LRRC40: variants seen among roughly 807,000 people sequenced by gnomAD.
LRRC40 encodes leucine rich repeat containing 40.
Under a neutral mutation model 72.8 loss-of-function variants are expected in LRRC40, and 76 were observed. The ratio of observed to expected loss-of-function variants is 1.04; its 90% confidence interval spans 0.87 to 1.26. The LOEUF (loss-of-function observed/expected upper bound fraction) is 1.26. Ranked by LOEUF, LRRC40 falls within the 50% of genes most tolerant of loss-of-function variation. The probability of loss-of-function intolerance (pLI) is 0.00; values close to 1 mark genes in which losing one functional copy is unlikely to be tolerated. For synonymous variants in LRRC40, 243 were observed against 254.2 expected, an observed-to-expected ratio of 0.96 and a Z score of 0.42; for missense variants, 684 against 698.9, an observed-to-expected ratio of 0.98 and a Z score of 0.24.
intron 7 of LRRC40, 40 bp downstream of exon 7, chr1:70,175,770 A>G (rs1366927281): frequency 6.5e-6 from 9 of 1,380,642 alleles, no homozygotes; most frequent in Non-Finnish European, 8.8e-6. Context: ...TTATAACCAA[A>G]TACAAACACA....
At chr1:70,190,224 T>A (rs962871272) in intron 1 of LRRC40, among the ~76,000 whole-genome samples, 1 of 152,218 alleles carries the variant, frequency 6.6e-6, no homozygotes, top group African/African-American at 2.4e-5. Flanking sequence ...TATACCTTGC[T>A]GCCACAGATT....
At chr1:70,179,581 G>A (rs1171871743) in intron 5 of LRRC40, among the ~76,000 whole-genome samples, 3 of 152,020 alleles carry the variant, frequency 2.0e-5, no homozygotes, top group African/African-American at 7.2e-5. Flanking sequence ...CATTGTCATG[G>A]CTGAGAAACA....
intron 10 of LRRC40, among the ~76,000 whole-genome samples, chr1:70,157,597 C>T (rs906331086): frequency 6.6e-6 from 1 of 152,008 alleles, no homozygotes; most frequent in African/African-American, 2.4e-5. Flanking sequence ...CCTAGATCCC[C>T]TTAGAATAGA....
At chr1:70,205,328 G>A (rs1403306686) in intron 1 of LRRC40, 62 bp downstream of exon 1, 2 of 1,446,770 alleles carry the variant, frequency 1.4e-6, no homozygotes, top group East Asian at 2.3e-5. Flanking sequence ...AGAAAAGGGA[G>A]GTTGCCTGGG....
chr1:70,148,874 G>A (rs1667388832), intron 13 of LRRC40, among the ~76,000 whole-genome samples: 1 of 152,130 alleles, frequency 6.6e-6, no homozygotes, highest in Non-Finnish European at 1.5e-5. Flanking sequence ...ATGTTAAACA[G>A]ACAGACTTGT....
chr1:70,161,765 T>C (rs1558114065), intron 9 of LRRC40, among the ~76,000 whole-genome samples: 1 of 152,054 alleles, frequency 6.6e-6, no homozygotes, highest in Non-Finnish European at 1.5e-5. Context: ...CTCTTAGAAA[T>C]AAGAGTAAAA....
At chr1:70,200,922 A>C (rs1158763210) in intron 1 of LRRC40, among the ~76,000 whole-genome samples, 1 of 152,224 alleles carries the variant, frequency 6.6e-6, no homozygotes, top group Non-Finnish European at 1.5e-5. Context: ...CTGTAATCCA[A>C]GCACTTTGGG....
intron 3 of LRRC40, 31 bp from the exon 4 acceptor site, chr1:70,184,945 T>C: frequency 6.5e-7 from 1 of 1,533,260 alleles, no homozygotes. Flanking sequence ...TGATGAATAA[T>C]TTAGTGGCAA....
intron 4 of LRRC40, among the ~76,000 whole-genome samples, chr1:70,181,881 C>T (rs897400466): frequency 4.0e-5 from 6 of 151,790 alleles, no homozygotes; most frequent in African/African-American, 1.5e-4. Flanking sequence ...TTTTGAAACT[C>T]CCTTTAAAAG....
intron 10 of LRRC40, among the ~76,000 whole-genome samples, chr1:70,157,635 G>C (rs1357685024): frequency 6.6e-6 from 1 of 152,082 alleles, no homozygotes; most frequent in Non-Finnish European, 1.5e-5. Context: ...CTGTATATGA[G>C]GGAATGGAAG....
At position 70,151,224 on chromosome 1, in the gene LRRC40, CAGA is replaced by C; in HGVS notation, c.1440-22_1440-20del. 8.0e-7 allele frequency: 1 copy of C among 1,254,872 alleles called. No individual in the cohort carries two copies. Among genetic ancestry groups the C allele is most frequent in the Non-Finnish European group, 1.2e-6 (1 of 863,900 alleles). The allele number at this position is 1,254,872 out of a possible 1,614,324, so 77.7% of individuals were successfully genotyped here. On this transcript the variant is annotated intron_variant, in intron 12 of 14. Coordinates refer to ENST00000370952, the MANE Select transcript of LRRC40 (RefSeq NM_017768.5). Reference sequence around the variant, plus strand: ...ATTGTTCCTAAATTGGAAATCAAAACAGAAGATTTACAAAGTTTGAAAAATTTT... The same window carrying C: ...ATTGTTCCTAAATTGGAAATCAAAACAGATTTACAAAGTTTGAAAAATTTT...
chr1:70,188,220 T>C (rs900681671), intron 2 of LRRC40, among the ~76,000 whole-genome samples: 1 of 152,158 alleles, frequency 6.6e-6, no homozygotes, highest in African/African-American at 2.4e-5. Flanking sequence ...GGAGGACTTT[T>C]TATGTTGATA....
chr1:70,188,513 G>T (rs1668417246), intron 2 of LRRC40, among the ~76,000 whole-genome samples: 1 of 151,810 alleles, frequency 6.6e-6, no homozygotes, highest in Admixed American at 6.6e-5. Flanking sequence ...GGCAGGAGGA[G>T]AGTTTGAGGA....
At chr1:70,163,377 A>G (rs377668051) in intron 9 of LRRC40, among the ~76,000 whole-genome samples, 5 of 151,558 alleles carry the variant, frequency 3.3e-5, no homozygotes, top group Non-Finnish European at 7.4e-5. Context: ...GTAAGCCACC[A>G]CCCCCAGCCT....
chr1:70,152,802 TATTTA>T lies in LRRC40; in HGVS notation c.1329-264_1329-260del, dbSNP rs1667538246. Among the ~76,000 whole-genome samples, 3 of 152,166 alleles carry T rather than the reference TATTTA, an allele frequency of 2.0e-5. No individual in the cohort carries two copies. In the South Asian group the frequency reaches 6.2e-4, roughly 31 times the overall value. On this transcript the variant is annotated intron_variant, in intron 11 of 14. Transcript: ENST00000370952. ...TACATTAAAGTTTCACTTAAAAAAC[TATTTA>T]TTTTATATTTAAACCAACTATGGCA...
At position 70,169,781 on chromosome 1, in the gene LRRC40, T is replaced by TA. The variant is rs1020052184; in HGVS notation, c.1111+3683dup. Among the ~76,000 whole-genome samples the TA allele has an allele frequency of 5.3e-5, 8 of 151,400 alleles. No homozygotes were observed. The South Asian group carries it at 6.2e-4, about 12-fold the overall frequency. On this transcript the variant is annotated intron_variant, in intron 9 of 14. Transcript: ENST00000370952. Reference sequence around the variant, plus strand: ...TATATCTATAACACGTGAAGAGTAATAAAAAAAACCTAGCCACAAAGAGAA... The same window carrying TA: ...TATATCTATAACACGTGAAGAGTAATAAAAAAAAACCTAGCCACAAAGAGAA...
intron 9 of LRRC40, among the ~76,000 whole-genome samples, chr1:70,166,474 A>G (rs1667881626): frequency 2.0e-5 from 3 of 152,106 alleles, no homozygotes; most frequent in Admixed American, 2.0e-4. Flanking sequence ...AGAATGAGCA[A>G]ATAACAAGAC....
Position 70,159,312 on chromosome 1 carries a change from T to A in LRRC40, c.1220+18A>T. 8.7e-7 allele frequency: 1 copy of A among 1,150,914 alleles called. No homozygotes were observed. The highest frequency in any genetic ancestry group is 1.2e-6 in the Non-Finnish European group (1 of 804,804). 71.3% of individuals were successfully genotyped at this position (1,150,914 alleles called of 1,614,324 possible). On this transcript the variant is annotated intron_variant, in intron 10 of 14. Transcript: ENST00000370952. The stretch of plus-strand genomic sequence containing the variant: ...GACCCTATCTCTATAAAAATAAAAA[T>A]AATAATAAATTACATACCTATAGTC...
chr1:70,148,051 C>T (rs1037528279), intron 14 of LRRC40: 1 of 150,506 alleles, frequency 6.6e-6, no homozygotes, highest in Non-Finnish European at 1.5e-5. Context: ...GGTAAAAGTA[C>T]CTGATGCTGA....
Sources: gnomAD v4.1 joint callset for allele counts (sites outside exome capture counted in the v4.1 genomes callset) on GRCh38, gnomAD v4.1.1 for gene constraint, MANE v1.5 for transcripts, NCBI Gene and HGNC (gene_info 2026-07-23, HGNC 2026-07-21) for gene names.